The following XPO6 variants were observed in gnomAD, a reference collection of about 807,000 sequenced individuals.
XPO6 encodes the protein exportin-6.
A neutral mutation model predicts 130.0 loss-of-function variants in XPO6; 3 were observed. The observed-to-expected ratio is 0.02, with a 90% confidence interval of 0.01 to 0.06. XPO6 has a LOEUF of 0.06. XPO6 is among the 10% of genes least tolerant of loss of function. The pLI, the probability that XPO6 is intolerant of heterozygous loss-of-function variation, is 1.00. For synonymous variants in XPO6, 524 were observed against 548.9 expected (o/e 0.95, Z 0.63); for missense variants, 970 against 1,393.0 (o/e 0.70, Z 4.83).
rs1341690083 is a variant in XPO6, at chr16:28,106,024, G to A, written c.2784+19C>T. 12 of 1,607,296 alleles carry A rather than the reference G, an allele frequency of 7.5e-6. No individual in the cohort carries two copies. The highest frequency in any genetic ancestry group is 1.7e-5 in the Admixed American group (1 of 59,852). On this transcript the variant is annotated intron_variant, in intron 20 of 23. Coordinates refer to ENST00000304658, the MANE Select transcript of XPO6 (RefSeq NM_015171.4). The surrounding 1 kb of genome is among the most constrained non-coding windows in gnomAD (Gnocchi z 4.2). ...CTGGAGATGGGGGGTGCTGCACAGG[G>A]GACCGTCTGAGCCCCTACCTCGGCA...
chr16:28,116,088 CAT>C (rs2087046508), intron 15 of XPO6, among the ~76,000 whole-genome samples: 1 of 152,234 alleles, frequency 6.6e-6, no homozygotes, highest in Non-Finnish European at 1.5e-5. Flanking sequence ...TCTCATCACT[CAT>C]GTGTTCACTG....
At chr16:28,133,736 A>T in intron 11 of XPO6, 105 bp downstream of exon 11, 1 of 959,122 alleles carries the variant, frequency 1.0e-6, no homozygotes, top group Non-Finnish European at 1.6e-6. Context: ...AAAATTACAT[A>T]GAGGGGAAAG....
In XPO6 at chr16:28,132,289, G is replaced by GT. The variant is rs1295338134; in HGVS notation, c.1606+44dup. ...GCAGTAATGAAATATCAGTCCGATGGTTTTTTGAATGTTTGGTTAAATTAG... is the reference window on the plus strand; with the variant it reads ...GCAGTAATGAAATATCAGTCCGATGGTTTTTTTGAATGTTTGGTTAAATTAG... On this transcript the variant is annotated intron_variant, in intron 12 of 23. Coordinates refer to ENST00000304658, the MANE Select transcript of XPO6 (RefSeq NM_015171.4). The surrounding 1 kb of genome is among the most constrained non-coding windows in gnomAD (Gnocchi z 4.0). 2.1e-6 allele frequency: 3 copies of GT among 1,439,598 alleles called. No homozygotes were observed. Among genetic ancestry groups the GT allele is most frequent in the Non-Finnish European group, 1.9e-6 (2 of 1,035,092 alleles). 89.2% of individuals were successfully genotyped at this position (1,439,598 alleles called of 1,614,324 possible). A position where few individuals can be genotyped will look rare whatever the true frequency, so the allele number is the denominator to read the frequency against.
intron 9 of XPO6, among the ~76,000 whole-genome samples, chr16:28,138,319 A>C (rs1239679664): frequency 6.6e-6 from 1 of 152,188 alleles, no homozygotes; most frequent in Non-Finnish European, 1.5e-5. Flanking sequence ...AGGAAAGAAA[A>C]TCTACTTCAG....
chr16:28,203,324 CA>C (rs534068435), intron 1 of XPO6, among the ~76,000 whole-genome samples: 11 of 150,068 alleles, frequency 7.3e-5, no homozygotes, highest in East Asian at 3.9e-4. Flanking sequence ...GAATGAATGA[CA>C]GGGGGAAAGG....
Position 28,211,831 on chromosome 16 carries a change from C to A in XPO6, c.-463G>T. The A allele has an allele frequency of 4.8e-6, 1 of 208,744 alleles. No homozygotes were observed. The highest frequency in any genetic ancestry group is 9.4e-6 in the Non-Finnish European group (1 of 105,864). 12.9% of individuals were successfully genotyped at this position (208,744 alleles called of 1,614,324 possible). A position where few individuals can be genotyped will look rare whatever the true frequency, so the allele number is the denominator to read the frequency against. Reference sequence around the variant, plus strand: ...GGCTCAGGGGAGAGGCCCGGGGGCCCGCGCTGTCCTCGCAGCCTCAACCCA... The same window carrying A: ...GGCTCAGGGGAGAGGCCCGGGGGCCAGCGCTGTCCTCGCAGCCTCAACCCA... On this transcript the variant is annotated 5_prime_UTR_variant, in exon 1 of 24. Transcript: ENST00000304658.
At chr16:28,119,977 G>A (rs1177748747) in intron 14 of XPO6, among the ~76,000 whole-genome samples, 1 of 152,086 alleles carries the variant, frequency 6.6e-6, no homozygotes, top group African/African-American at 2.4e-5. Context: ...GAGTAGTTGG[G>A]ACTACAGGTG....
chr16:28,119,641 T>TA (rs2087175099), intron 14 of XPO6, among the ~76,000 whole-genome samples: 1 of 151,712 alleles, frequency 6.6e-6, no homozygotes, highest in Non-Finnish European at 1.5e-5. Context: ...CATGATTAGT[T>TA]AGACCTTGGA....
At chr16:28,192,499 T>G (rs1354927879) in intron 1 of XPO6, among the ~76,000 whole-genome samples, 1 of 151,938 alleles carries the variant, frequency 6.6e-6, no homozygotes, top group African/African-American at 2.4e-5. Context: ...CCTCCAGACC[T>G]AGGGACAAAG....
intron 5 of XPO6, chr16:28,167,240 G>C (rs1019405549): frequency 3.0e-6 from 3 of 985,400 alleles, no homozygotes; most frequent in African/African-American, 3.5e-5. Flanking sequence ...TAACAGACCT[G>C]CATGTCCACC....
intron 5 of XPO6, among the ~76,000 whole-genome samples, chr16:28,168,034 A>C (rs780486211): frequency 1.3e-5 from 2 of 152,204 alleles, no homozygotes; most frequent in South Asian, 4.1e-4. Context: ...GCACAACCTC[A>C]AGAATATACT....
In XPO6 at chr16:28,179,000, G is replaced by C. The variant is rs975746422; in HGVS notation, c.95-1668C>G. On this transcript the variant is annotated intron_variant, in intron 2 of 23. Coordinates refer to ENST00000304658, the MANE Select transcript of XPO6 (RefSeq NM_015171.4). ...GAGAATCGCTTGAACCCGGGAGGCAGAGCTTGCAGTGAGCCAAGATTGCGC... is the reference window on the plus strand; with the variant it reads ...GAGAATCGCTTGAACCCGGGAGGCACAGCTTGCAGTGAGCCAAGATTGCGC... 7.9e-5 allele frequency: 12 copies of C among 151,784 alleles called. 1 individual carries two copies. The highest frequency in any genetic ancestry group is 2.9e-5 in the Non-Finnish European group (2 of 68,004). The allele number at this position is 151,784 out of a possible 1,614,324, so 9.4% of individuals were successfully genotyped here.
intron 8 of XPO6, 170 bp from the exon 9 acceptor site, chr16:28,146,373 C>G: frequency 1.7e-6 from 1 of 575,950 alleles, no homozygotes; most frequent in Non-Finnish European, 3.1e-6. Flanking sequence ...ACCATTGGGC[C>G]CTCCTGAACC....
chr16:28,112,055 T>C (rs1013756574), intron 16 of XPO6, 49 bp from the exon 17 acceptor site: 44 of 1,553,908 alleles, frequency 2.8e-5, no homozygotes, highest in Middle Eastern at 1.9e-4. Context: ...CCAAAGACCG[T>C]GGTGCGGCAT....
chr16:28,198,378 C>T (rs1371804842), intron 1 of XPO6, among the ~76,000 whole-genome samples: 1 of 151,522 alleles, frequency 6.6e-6, no homozygotes, highest in Non-Finnish European at 1.5e-5. Flanking sequence ...ATACTTTTTA[C>T]AATCAGGATA....
chr16:28,160,184 T>TAA (rs56947792), intron 6 of XPO6, among the ~76,000 whole-genome samples: 2 of 76,128 alleles, frequency 2.6e-5, no homozygotes, highest in African/African-American at 1.2e-4. Flanking sequence ...GCCTCCGTCT[T>TAA]AAAAAAAAAA....
intron 1 of XPO6, among the ~76,000 whole-genome samples, chr16:28,203,306 G>A (rs1393960758): frequency 6.6e-6 from 1 of 151,764 alleles, no homozygotes; most frequent in Non-Finnish European, 1.5e-5. Flanking sequence ...AGTCAGCAAT[G>A]GGTTGTAGAA....
intron 1 of XPO6, chr16:28,183,482 C>T (rs1403378674): frequency 1.4e-5 from 2 of 143,036 alleles, no homozygotes; most frequent in East Asian, 4.1e-4. Flanking sequence ...ATGATGGCTA[C>T]ATGAAAAAGG....
chr16:28,164,398 T>G (rs1309761734), intron 6 of XPO6, among the ~76,000 whole-genome samples: 1 of 152,146 alleles, frequency 6.6e-6, no homozygotes, highest in Non-Finnish European at 1.5e-5. Context: ...ACTGTCCAAA[T>G]AGTGGGGCAA....
Sources: allele counts gnomAD v4.1 joint callset (sites outside exome capture counted in the v4.1 genomes callset), GRCh38; gene constraint gnomAD v4.1.1; non-coding constraint Gnocchi (gnomAD v3.1); transcripts MANE v1.5; gene names NCBI Gene and HGNC (gene_info 2026-07-23, HGNC 2026-07-21).